The following TMEM163 variants were observed in gnomAD, a reference collection of about 807,000 sequenced individuals.
TMEM163 encodes the protein transmembrane protein 163.
A neutral mutation model predicts 29.3 loss-of-function variants in TMEM163; 17 were observed. That is an observed-to-expected ratio of 0.58 (90% CI 0.40 to 0.87). The LOEUF is 0.87. Ranked by LOEUF, TMEM163 falls within the 40% of genes least tolerant of loss-of-function variation. TMEM163 has a pLI of 0.00. For missense variants in TMEM163, 303 were observed against 381.5 expected, an observed-to-expected ratio of 0.79 and a Z score of 1.71; for synonymous variants, 157 against 160.6, an observed-to-expected ratio of 0.98 and a Z score of 0.17.
At chr2:134,548,493 G>A (rs183112583) in intron 4 of TMEM163, among the ~76,000 whole-genome samples, 46 of 152,296 alleles carry the variant, frequency 3.0e-4, no homozygotes, top group African/African-American at 1.0e-3. Flanking sequence ...CCTGAAATCC[G>A]AGTATATCTC....
rs539815626 is a variant in TMEM163, at chr2:134,648,434, C to T, written c.322+64766G>A. 3.0e-4 allele frequency among the ~76,000 whole-genome samples: 46 copies of T among 151,992 alleles called. 1 individual carries two copies. Among genetic ancestry groups the T allele is most frequent in the African/African-American group, 1.1e-3 (45 of 41,426 alleles). On this transcript the variant is annotated intron_variant, in intron 2 of 7. Transcript: ENST00000281924. ...GGTTTTGGAAAAGGGAACATTCGAG[C>T]GGGAAAACAGGAATGCATGCTCTCA...
rs541969289 is a variant in TMEM163 at position 134,581,219 on chromosome 2, T to A, written c.323-29128A>T. Reference sequence around the variant, plus strand: ...TTTCTGGTTAACCTTGATCTTCCTTTTTTTTCTTTTTTAAACCAAGCTTCT... The same window carrying A: ...TTTCTGGTTAACCTTGATCTTCCTTATTTTTCTTTTTTAAACCAAGCTTCT... On this transcript the variant is annotated intron_variant, in intron 2 of 7. Transcript: ENST00000281924. 2.0e-5 allele frequency among the ~76,000 whole-genome samples: 3 copies of A among 152,264 alleles called. No homozygotes were observed. The South Asian group carries it at 6.2e-4, about 32-fold the overall frequency.
intron 5 of TMEM163, among the ~76,000 whole-genome samples, chr2:134,502,588 G>A (rs1349253407): frequency 6.6e-6 from 1 of 152,100 alleles, no homozygotes; most frequent in Non-Finnish European, 1.5e-5. Flanking sequence ...ACACAGATTG[G>A]ATCACTCTGC....
chr2:134,672,137 G>A (rs1004004682), intron 2 of TMEM163, among the ~76,000 whole-genome samples: 2 of 152,170 alleles, frequency 1.3e-5, no homozygotes, highest in African/African-American at 4.8e-5. Context: ...ATTAGCTGTT[G>A]CTATTTCTGC....
At chr2:134,493,599 T>C (rs1350134209) in intron 5 of TMEM163, among the ~76,000 whole-genome samples, 1 of 152,096 alleles carries the variant, frequency 6.6e-6, no homozygotes, top group Non-Finnish European at 1.5e-5. Flanking sequence ...CTTGAACTCC[T>C]GACCTCAGGC....
chr2:134,601,771 TAATA>T (rs1286869030), intron 2 of TMEM163, among the ~76,000 whole-genome samples: 1 of 151,828 alleles, frequency 6.6e-6, no homozygotes, highest in Admixed American at 6.6e-5. Context: ...ACAATACGCA[TAATA>T]AATAAACATA....
intron 4 of TMEM163, among the ~76,000 whole-genome samples, chr2:134,527,997 T>C (rs1001706497): frequency 6.6e-6 from 1 of 152,200 alleles, no homozygotes; most frequent in Non-Finnish European, 1.5e-5. Flanking sequence ...GCACCACTTC[T>C]GGCCTGTCAA....
At chr2:134,617,986 C>T (rs1403218013) in intron 2 of TMEM163, among the ~76,000 whole-genome samples, 1 of 152,046 alleles carries the variant, frequency 6.6e-6, no homozygotes, top group Non-Finnish European at 1.5e-5. Flanking sequence ...TAGTGGCATG[C>T]ATCTGTGGTC....
intron 4 of TMEM163, among the ~76,000 whole-genome samples, chr2:134,541,475 C>T (rs988115982): frequency 2.6e-5 from 4 of 152,096 alleles, no homozygotes; most frequent in Non-Finnish European, 5.9e-5. Flanking sequence ...GTAATTTATC[C>T]TAAAGAAATA....
intron 5 of TMEM163, among the ~76,000 whole-genome samples, chr2:134,492,978 G>C (rs937314360): frequency 6.6e-5 from 10 of 152,196 alleles, no homozygotes; most frequent in Admixed American, 3.3e-4. Flanking sequence ...GAGCATAAGA[G>C]TTCCAGATGC....
chr2:134,705,400 C>T (rs1684786998), intron 2 of TMEM163, among the ~76,000 whole-genome samples: 1 of 152,022 alleles, frequency 6.6e-6, no homozygotes, highest in Admixed American at 6.6e-5. Context: ...GAGGGACAAC[C>T]ACACAAAGAC....
At chr2:134,558,287 C>T (rs1427307946) in intron 2 of TMEM163, among the ~76,000 whole-genome samples, 2 of 152,190 alleles carry the variant, frequency 1.3e-5, no homozygotes, top group African/African-American at 4.8e-5. Context: ...CAGAATGTCA[C>T]TTGCAGTCTG....
At position 134,598,727 on chromosome 2, in the gene TMEM163, G is replaced by T. The variant is rs59281176; in HGVS notation, c.323-46636C>A. On this transcript the variant is annotated intron_variant, in intron 2 of 7. Coordinates refer to ENST00000281924, the MANE Select transcript of TMEM163 (RefSeq NM_030923.5). ...AGCTCAGGAGTTCGAGACCAGCCTG[G>T]CCAACATGGTGAAACCCCGTCTCTA... Among the ~76,000 whole-genome samples, 390 of 152,036 alleles carry T rather than the reference G, an allele frequency of 2.6e-3. 4 individuals are homozygous for T. Among genetic ancestry groups the T allele is most frequent in the African/African-American group, 9.0e-3 (374 of 41,462 alleles).
chr2:134,578,474 C>T (rs929463353), intron 2 of TMEM163, among the ~76,000 whole-genome samples: 1 of 152,098 alleles, frequency 6.6e-6, no homozygotes, highest in African/African-American at 2.4e-5. Flanking sequence ...CTTGTCATGC[C>T]CGTGAACAGA....
chr2:134,458,838 G>GT (rs1270796441), intron 6 of TMEM163: 18 of 152,180 alleles, frequency 1.2e-4, no homozygotes, highest in Admixed American at 1.1e-3. Flanking sequence ...ATTATGCTAA[G>GT]TTTTTTGCAA....
At chr2:134,485,715 C>T (rs1679292529) in intron 5 of TMEM163, among the ~76,000 whole-genome samples, 1 of 152,132 alleles carries the variant, frequency 6.6e-6, no homozygotes, top group Non-Finnish European at 1.5e-5. Flanking sequence ...CTGCAAAATG[C>T]CTATATATTG....
chr2:134,476,071 T>TA (rs1686905827), intron 5 of TMEM163, among the ~76,000 whole-genome samples: 1 of 152,196 alleles, frequency 6.6e-6, no homozygotes. Flanking sequence ...GGAAATAACC[T>TA]AAATGTCCAA....
chr2:134,500,698 A>T (rs1290993066), intron 5 of TMEM163, among the ~76,000 whole-genome samples: 2 of 152,228 alleles, frequency 1.3e-5, no homozygotes, highest in Non-Finnish European at 2.9e-5. Context: ...ACTGGAGGTC[A>T]TTACGTTAAG....
chr2:134,605,285 T>G (rs1259684119), intron 2 of TMEM163, among the ~76,000 whole-genome samples: 1 of 152,082 alleles, frequency 6.6e-6, no homozygotes, highest in African/African-American at 2.4e-5. Context: ...TTCTGTGGTA[T>G]TCCATGTTAC....
Sources: allele counts gnomAD v4.1 joint callset (sites outside exome capture counted in the v4.1 genomes callset), GRCh38; gene constraint gnomAD v4.1.1; transcripts MANE v1.5; gene names NCBI Gene and HGNC (gene_info 2026-07-23, HGNC 2026-07-21).